Variants in ASIC2 observed in about 807,000 individuals in gnomAD.
The protein encoded by ASIC2 is acid sensing ion channel subunit 2, also known as acid-sensing ion channel 2.
Under a neutral mutation model 57.3 loss-of-function variants are expected in ASIC2, and 25 were observed. The ratio of observed to expected loss-of-function variants is 0.44; its 90% CI spans 0.32 to 0.61. ASIC2 has a LOEUF of 0.61. ASIC2 is among the 20% of genes least tolerant of loss of function. ASIC2 has a pLI of 0.06. For missense variants in ASIC2, 641 were observed against 738.1 expected (o/e 0.87, Z 1.52); for synonymous variants, 319 against 307.5 (o/e 1.04, Z -0.39).
At chr17:33,539,936 G>A (rs1487204708) in intron 1 of ASIC2, among the ~76,000 whole-genome samples, 1 of 152,202 alleles carries the variant, frequency 6.6e-6, no homozygotes, top group Non-Finnish European at 1.5e-5. Context: ...GGACAGCGGA[G>A]TGTTCCGGGC....
At chr17:33,021,389 G>T in intron 6 of ASIC2, 79 bp from the exon 7 acceptor site, 1 of 1,191,984 alleles carries the variant, frequency 8.4e-7, no homozygotes, top group Non-Finnish European at 1.2e-6. Flanking sequence ...GCTTTCCCAT[G>T]GAAAGATGGA....
At chr17:33,534,361 C>T (rs1915156767) in intron 1 of ASIC2, 1 of 152,182 alleles carries the variant, frequency 6.6e-6, no homozygotes, top group Non-Finnish European at 1.5e-5. Flanking sequence ...AAATGAACAG[C>T]TTCAACTTCT....
At chr17:33,488,376 A>T (rs1913644012) in intron 1 of ASIC2, among the ~76,000 whole-genome samples, 1 of 152,228 alleles carries the variant, frequency 6.6e-6, no homozygotes, top group South Asian at 2.1e-4. Flanking sequence ...AACATTACAA[A>T]AACATTTTTC....
At chr17:33,561,498 T>G (rs1916072347) in intron 1 of ASIC2, among the ~76,000 whole-genome samples, 1 of 152,178 alleles carries the variant, frequency 6.6e-6, no homozygotes, top group Admixed American at 6.5e-5. Context: ...AGGCAAATAA[T>G]TAGCTTCGGT....
At chr17:33,956,577 T>A (rs754481037) in intron 1 of ASIC2, among the ~76,000 whole-genome samples, 9 of 152,090 alleles carry the variant, frequency 5.9e-5, no homozygotes, top group Non-Finnish European at 1.3e-4. Context: ...TTACTAATCC[T>A]TCAATATCAG....
At chr17:33,344,074 C>T (rs190154638) in intron 1 of ASIC2, among the ~76,000 whole-genome samples, 11 of 152,334 alleles carry the variant, frequency 7.2e-5, no homozygotes, top group African/African-American at 2.6e-4. Context: ...GCACTTAGCA[C>T]AACATGGCGT....
chr17:33,711,875 C>G (rs1309599118), intron 1 of ASIC2, among the ~76,000 whole-genome samples: 1 of 152,154 alleles, frequency 6.6e-6, no homozygotes, highest in Admixed American at 6.5e-5. Flanking sequence ...CATATCAGTC[C>G]TCTTTGTGTG....
At chr17:33,414,394 G>T (rs1032498825) in intron 1 of ASIC2, among the ~76,000 whole-genome samples, 15 of 152,292 alleles carry the variant, frequency 9.8e-5, no homozygotes, top group Non-Finnish European at 2.1e-4. Flanking sequence ...GGTTGGTAAT[G>T]CCCATTGGCC....
At chr17:33,836,266 C>A (rs1913272967) in intron 1 of ASIC2, among the ~76,000 whole-genome samples, 1 of 151,638 alleles carries the variant, frequency 6.6e-6, no homozygotes, top group South Asian at 2.1e-4. Flanking sequence ...CATGTGCCAC[C>A]ACACTTAGCT....
At chr17:33,456,881 G>A (rs986632473) in intron 1 of ASIC2, among the ~76,000 whole-genome samples, 18 of 152,296 alleles carry the variant, frequency 1.2e-4, no homozygotes, top group Non-Finnish European at 2.2e-4. Context: ...GATAGTACGA[G>A]TACTCAACAA....
intron 1 of ASIC2, among the ~76,000 whole-genome samples, chr17:33,983,880 C>T (rs1905716288): frequency 6.6e-6 from 1 of 152,132 alleles, no homozygotes; most frequent in Non-Finnish European, 1.5e-5. Flanking sequence ...GCACAGGATA[C>T]TCCCACCCAC....
In ASIC2 at chr17:34,062,030, G is replaced by A. The variant is rs145359199; in HGVS notation, c.555+93948C>T. Among the ~76,000 whole-genome samples, 177 of 152,144 alleles carry A rather than the reference G, an allele frequency of 1.2e-3. 5 individuals carry two copies. Among genetic ancestry groups the A allele is most frequent in the African/African-American group, 3.7e-3 (154 of 41,560 alleles). On this transcript the variant is annotated intron_variant, in intron 1 of 9. Coordinates refer to the ASIC2 transcript ENST00000359872. ...CTATACCTTGGAACAAATGGACTTA[G>A]ATATGTACCGAACATTTCATCCAAC...
chr17:33,452,572 G>C (rs1382286685), intron 1 of ASIC2, among the ~76,000 whole-genome samples: 1 of 152,128 alleles, frequency 6.6e-6, no homozygotes, highest in East Asian at 1.9e-4. Context: ...TGTGCTTCCT[G>C]GGCCCACGAC....
chr17:33,764,630 C>T (rs931299286), intron 1 of ASIC2, among the ~76,000 whole-genome samples: 3 of 152,054 alleles, frequency 2.0e-5, no homozygotes, highest in Admixed American at 6.6e-5. Flanking sequence ...CTCTTTTCCT[C>T]TTCTTATAAA....
At chr17:33,996,821 G>C (rs1273066563) in intron 1 of ASIC2, among the ~76,000 whole-genome samples, 1 of 152,132 alleles carries the variant, frequency 6.6e-6, no homozygotes, top group Admixed American at 6.6e-5. Flanking sequence ...CTTGCTCAAG[G>C]TTGTTTTGGC....
Position 33,456,416 on chromosome 17 carries a change from C to G in ASIC2, c.556-344349G>C, listed in dbSNP as rs574811515. On this transcript the variant is annotated intron_variant, in intron 1 of 9. Coordinates refer to the ASIC2 transcript ENST00000359872. ...CCCATCATGCACTATCCCCATCCCCCCTTCAGTCTATTCCCAGATTGCAAA... is the reference window on the plus strand; with the variant it reads ...CCCATCATGCACTATCCCCATCCCCGCTTCAGTCTATTCCCAGATTGCAAA... Among the ~76,000 whole-genome samples the G allele has an allele frequency of 3.9e-5, 6 of 152,276 alleles. No individual in the cohort carries two copies. In the East Asian group the frequency reaches 5.8e-4, roughly 15 times the overall value.
intron 1 of ASIC2, among the ~76,000 whole-genome samples, chr17:33,579,377 C>T (rs1461924343): frequency 1.3e-5 from 2 of 151,560 alleles, no homozygotes; most frequent in Admixed American, 6.6e-5. Flanking sequence ...TTACAAACCT[C>T]TAACACTCCG....
At chr17:33,868,181 A>ATGTG (rs142553706) in intron 1 of ASIC2, among the ~76,000 whole-genome samples, 68 of 150,236 alleles carry the variant, frequency 4.5e-4, no homozygotes, top group African/African-American at 1.5e-3. Flanking sequence ...CAACAAATGT[A>ATGTG]TGTGTGTGTG....
chr17:33,703,431 C>T (rs1908769811), intron 1 of ASIC2, among the ~76,000 whole-genome samples: 1 of 151,918 alleles, frequency 6.6e-6, no homozygotes, highest in Admixed American at 6.6e-5. Flanking sequence ...CTGCTTACTG[C>T]AACCTCTGCC....
Sources: gnomAD v4.1 joint callset for allele counts (sites outside exome capture counted in the v4.1 genomes callset) on GRCh38, gnomAD v4.1.1 for gene constraint, MANE v1.5 for transcripts, NCBI Gene and HGNC (gene_info 2026-07-23, HGNC 2026-07-21) for gene names.